The following TMEM175 variants were observed in gnomAD, a reference collection of about 807,000 sequenced individuals.
The protein encoded by TMEM175 is endosomal/lysosomal proton channel TMEM175.
TMEM175 carries 36 observed loss-of-function variants against 36.5 expected under a neutral mutation model. That is an observed-to-expected ratio of 0.99 (90% CI 0.76 to 1.30). TMEM175 has a LOEUF of 1.30. TMEM175 is among the 50% of genes most tolerant of loss of function. The pLI, the probability that TMEM175 is intolerant of heterozygous loss-of-function variation, is 0.00. For missense variants in TMEM175, 705 were observed against 692.8 expected (o/e 1.02, Z -0.20); for synonymous variants, 339 against 313.4 (o/e 1.08, Z -0.86).
chr4:956,180 C>A, intron 10 of TMEM175: 2 of 759,294 alleles, frequency 2.6e-6, no homozygotes, highest in Non-Finnish European at 3.8e-6. Context: ...GCTCTCCTCA[C>A]TCCTCTCAGA....
rs990320145 is a variant in TMEM175, at chr4:939,857, A to G, written c.-32+7317A>G. Reference sequence around the variant, plus strand: ...GAAATGTTCTGTGAGATTTTTAGCCATGACACTAAAAGCTTGATCCCATGA... The same window carrying G: ...GAAATGTTCTGTGAGATTTTTAGCCGTGACACTAAAAGCTTGATCCCATGA... On this transcript the variant is annotated intron_variant, in intron 1 of 10. Transcript: ENST00000264771. Among the ~76,000 whole-genome samples, 9 of 152,364 alleles carry G rather than the reference A, an allele frequency of 5.9e-5. No homozygotes were observed. In the South Asian group the frequency reaches 6.2e-4, roughly 11 times the overall value.
At chr4:938,253 C>T (rs1269261862) in intron 1 of TMEM175, among the ~76,000 whole-genome samples, 1 of 152,182 alleles carries the variant, frequency 6.6e-6, no homozygotes, top group Non-Finnish European at 1.5e-5. Flanking sequence ...CTTGTAATCC[C>T]AGCACTTTAG....
chr4:952,345 G>T (rs776600456), intron 6 of TMEM175, 22 bp from the exon 7 acceptor site: 21 of 1,606,968 alleles, frequency 1.3e-5, no homozygotes, highest in South Asian at 3.3e-5. Context: ...GGGGGGGTTT[G>T]GTTTTGTTTT....
At chr4:956,412 T>G in intron 10 of TMEM175, 1 of 1,288,454 alleles carries the variant, frequency 7.8e-7, no homozygotes, top group Non-Finnish European at 1.0e-6. Flanking sequence ...GCGCGTCTCG[T>G]CTCAGTCGTC....
At chr4:947,943 C>T (rs1201873446) in intron 2 of TMEM175, 51 bp downstream of exon 2, 1 of 1,613,176 alleles carries the variant, frequency 6.2e-7, no homozygotes, top group Non-Finnish European at 8.5e-7. Flanking sequence ...CCTCTCGAGG[C>T]ACTGCCCAGC....
chr4:947,237 CG>C (rs1458094106), intron 1 of TMEM175, among the ~76,000 whole-genome samples: 4 of 120,644 alleles, frequency 3.3e-5, no homozygotes, highest in East Asian at 2.2e-4. Context: ...CACGTGTGCA[CG>C]GGCCCCGAGA....
At position 932,660 on chromosome 4, in the gene TMEM175, TC is replaced by T. The variant is rs1180056650; in HGVS notation, c.-32+123del. The T allele has an allele frequency of 3.1e-6, 1 of 317,870 alleles. No homozygotes were observed. The highest frequency in any genetic ancestry group is 2.1e-5 in the African/African-American group (1 of 46,644). The allele number at this position is 317,870 out of a possible 1,614,324, so 19.7% of individuals were successfully genotyped here. A position where few individuals can be genotyped will look rare whatever the true frequency, so the allele number is the denominator to read the frequency against. ...CGCCATCCTCTGGGTGGAGTCAGCCTCCCGTTTGCTGTTAGCGCCGCGTTTG... is the reference window on the plus strand; with the variant it reads ...CGCCATCCTCTGGGTGGAGTCAGCCTCCGTTTGCTGTTAGCGCCGCGTTTG... On this transcript the variant is annotated intron_variant, in intron 1 of 10. Coordinates refer to ENST00000264771, the MANE Select transcript of TMEM175 (RefSeq NM_032326.4). This position sits in a 1 kb window ranked among gnomAD's most constrained non-coding sequence, Gnocchi z 4.0.
At chr4:941,005 CAAA>C (rs1424497397) in intron 1 of TMEM175, among the ~76,000 whole-genome samples, 46 of 38,944 alleles carry the variant, frequency 1.2e-3, no homozygotes, top group Non-Finnish European at 1.3e-3. Flanking sequence ...GACTCCGTCT[CAAA>C]ATAATAATAA....
rs370857605 is a variant in TMEM175 at position 945,486 on chromosome 4, C to T, written c.-31-2223C>T. Among the ~76,000 whole-genome samples, 142 of 152,258 alleles carry T rather than the reference C, an allele frequency of 9.3e-4. 3 individuals are homozygous for T. The South Asian group carries it at 0.024, about 26-fold the overall frequency. ...CCCACCACCCTGGCTGGCCTCTCTC[C>T]GTTTCATTTGCACCTCCCCGATCTC... On this transcript the variant is annotated intron_variant, in intron 1 of 10. Coordinates refer to ENST00000264771, the MANE Select transcript of TMEM175 (RefSeq NM_032326.4).
chr4:949,817 C>T (rs1728638907), intron 3 of TMEM175, among the ~76,000 whole-genome samples: 1 of 152,172 alleles, frequency 6.6e-6, no homozygotes, highest in African/African-American at 2.4e-5. Flanking sequence ...CCCGTGGCTG[C>T]TTTGGAATTG....
chr4:941,905 AAAG>A (rs1384519136), intron 1 of TMEM175, among the ~76,000 whole-genome samples: 2 of 152,126 alleles, frequency 1.3e-5, no homozygotes, highest in Non-Finnish European at 2.9e-5. Flanking sequence ...AAAGAAAAAA[AAAG>A]AATATTTTGT....
chr4:951,559 C>T, intron 5 of TMEM175, 123 bp from the exon 6 acceptor site: 2 of 1,301,892 alleles, frequency 1.5e-6, no homozygotes, highest in Non-Finnish European at 2.2e-6. Flanking sequence ...GCTGGACTCA[C>T]ACTCGCTGGC....
At position 950,431 on chromosome 4, in the gene TMEM175, G is replaced by A; in HGVS notation, c.203G>A (p.Arg68Lys). Residue 68 changes from arginine to lysine, a missense_variant, in exon 4 of 11, where the codon AGA becomes AAA. Arg to Lys is a conservative substitution (Grantham distance 26, BLOSUM62 2). Transcript: ENST00000264771. The stretch of plus-strand genomic sequence containing the variant: ...GCTCTTGTATTCCAGCAGTTCGACA[G>A]AAGTGTACAGAGGCTTCTGGCAACA... ...TEISPEQQFD[R>K]SVQRLLATRI... 6.2e-7 allele frequency: 1 copy of A among 1,613,740 alleles called. No individual in the cohort carries two copies. Among genetic ancestry groups the A allele is most frequent in the Non-Finnish European group, 8.5e-7 (1 of 1,179,642 alleles).
intron 1 of TMEM175, among the ~76,000 whole-genome samples, chr4:938,194 C>T (rs1475898535): frequency 6.6e-6 from 1 of 152,158 alleles, no homozygotes; most frequent in African/African-American, 2.4e-5. Context: ...TTCTAGCCAA[C>T]GTGATGAGGC....
At chr4:937,851 G>C (rs907293321) in intron 1 of TMEM175, among the ~76,000 whole-genome samples, 32 of 152,166 alleles carry the variant, frequency 2.1e-4, no homozygotes, top group Admixed American at 6.5e-5. Context: ...CCGTGACCGA[G>C]TGGGATATCT....
Position 950,435 on chromosome 4 carries a change from T to C in TMEM175, c.207T>C (p.Ser69=), listed in dbSNP as rs1004026220. 57 of 1,613,392 alleles carry C rather than the reference T, an allele frequency of 3.5e-5. No individual in the cohort carries two copies. Among genetic ancestry groups the C allele is most frequent in the Non-Finnish European group, 4.7e-5 (55 of 1,179,492 alleles). ...EISPEQQFDR[S]VQRLLATRIA... Reference sequence around the variant, plus strand: ...TTGTATTCCAGCAGTTCGACAGAAGTGTACAGAGGCTTCTGGCAACACGGA... The same window carrying C: ...TTGTATTCCAGCAGTTCGACAGAAGCGTACAGAGGCTTCTGGCAACACGGA... The change falls in exon 4 of 11, where the codon AGT becomes AGC. Residue 69 remains serine, a synonymous_variant. Transcript: ENST00000264771.
chr4:954,534 G>A (rs777273061), intron 8 of TMEM175, among the ~76,000 whole-genome samples: 3 of 152,096 alleles, frequency 2.0e-5, no homozygotes, highest in Non-Finnish European at 2.9e-5. Flanking sequence ...CGTGAGTGGC[G>A]CCGGTGTGAG....
At chr4:942,184 G>T (rs116126259) in intron 1 of TMEM175, among the ~76,000 whole-genome samples, 4 of 151,428 alleles carry the variant, frequency 2.6e-5, no homozygotes, top group African/African-American at 9.7e-5. Flanking sequence ...TCAGCCTCTC[G>T]AGTAGCTGAG....
intron 10 of TMEM175, 100 bp downstream of exon 10, chr4:955,990 G>A: frequency 1.4e-6 from 2 of 1,411,392 alleles, no homozygotes; most frequent in Non-Finnish European, 9.8e-7. Flanking sequence ...CAGGGGTCTT[G>A]GCTCCACCCT....
Sources: gnomAD v4.1 joint callset for allele counts (sites outside exome capture counted in the v4.1 genomes callset) on GRCh38, gnomAD v4.1.1 for gene constraint, Gnocchi (gnomAD v3.1) non-coding constraint, MANE v1.5 for transcripts, NCBI Gene and HGNC (gene_info 2026-07-23, HGNC 2026-07-21) for gene names.